The following ME3 variants were observed in gnomAD, a reference collection of about 807,000 sequenced individuals.
ME3 encodes the protein malic enzyme 3.
ME3 carries 48 observed loss-of-function variants against 68.9 expected under a neutral mutation model. That is an observed-to-expected ratio of 0.70 (90% CI 0.55 to 0.89). The LOEUF (loss-of-function observed/expected upper bound fraction) is 0.89. Among genes scored for constraint, ME3 ranks in the 40% least tolerant of loss-of-function variants. The pLI is 0.00. For missense variants in ME3, 675 were observed against 797.4 expected, an observed-to-expected ratio of 0.85 and a Z score of 1.85; for synonymous variants, 320 against 318.8, an observed-to-expected ratio of 1.00 and a Z score of -0.04.
intron 2 of ME3, among the ~76,000 whole-genome samples, chr11:86,637,308 T>G (rs2135359372): frequency 7.3e-6 from 1 of 137,200 alleles, no homozygotes; most frequent in East Asian, 2.1e-4. Flanking sequence ...CCTATTATAG[T>G]ACTGAAGGTA....
rs189459033 is a variant in ME3, at chr11:86,522,617, G to A, written c.468-13750C>T. On this transcript the variant is annotated intron_variant, in intron 4 of 14. Transcript: ENST00000543262. ...CACTGTTCAACTCCCACATGTGAGC[G>A]AGAACATGTGGAGTTTGGTTTTCTG... Among the ~76,000 whole-genome samples the A allele has an allele frequency of 3.1e-3, 471 of 152,108 alleles. 1 individual carries two copies. The highest frequency in any genetic ancestry group is 5.7e-3 in the Admixed American group (87 of 15,282).
At chr11:86,551,277 T>G (rs1293594085) in intron 4 of ME3, among the ~76,000 whole-genome samples, 1 of 152,138 alleles carries the variant, frequency 6.6e-6, no homozygotes, top group Non-Finnish European at 1.5e-5. Flanking sequence ...GTTCCTGTGA[T>G]CCGAGCTTGG....
chr11:86,538,961 G>A (rs976761641), intron 4 of ME3, among the ~76,000 whole-genome samples: 2 of 152,164 alleles, frequency 1.3e-5, no homozygotes, highest in Admixed American at 6.5e-5. Flanking sequence ...TCTTTGACCA[G>A]AATTAGGTCA....
intron 2 of ME3, among the ~76,000 whole-genome samples, chr11:86,599,236 C>T (rs60024218): frequency 0.081 from 12,363 of 152,056 alleles, 704 homozygotes; most frequent in East Asian, 0.17. Flanking sequence ...CTAGAATAAC[C>T]GATACAGAGA....
chr11:86,459,307 C>G (rs1950105927), intron 8 of ME3, among the ~76,000 whole-genome samples: 2 of 152,260 alleles, frequency 1.3e-5, no homozygotes, highest in Admixed American at 1.3e-4. Flanking sequence ...CAGAGTTCCC[C>G]AGTCCTGTGC....
At chr11:86,507,232 AAGAG>A (rs1051151475) in intron 5 of ME3, among the ~76,000 whole-genome samples, 8 of 152,148 alleles carry the variant, frequency 5.3e-5, no homozygotes, top group Admixed American at 1.3e-4. Flanking sequence ...GGCAGGGAAA[AAGAG>A]AGAGAGGCCA....
At chr11:86,604,427 A>G (rs897483440) in intron 2 of ME3, among the ~76,000 whole-genome samples, 3 of 152,226 alleles carry the variant, frequency 2.0e-5, no homozygotes, top group South Asian at 2.1e-4. Context: ...TTTACACTAC[A>G]TAGGGTTGTC....
chr11:86,671,959 C>G lies in ME3; in HGVS notation c.-14-1G>C. ...GCGGCACCCATGGTCCTTGGCAGACCTGGCACGGGAGAGAAAGCAAGGTCA... is the reference window on the plus strand; with the variant it reads ...GCGGCACCCATGGTCCTTGGCAGACGTGGCACGGGAGAGAAAGCAAGGTCA... On this transcript the variant is annotated splice_acceptor_variant, in intron 1 of 14. Coordinates refer to ENST00000543262, the Ensembl canonical transcript of ME3. LOFTEE classifies it low-confidence loss of function (5UTR_SPLICE). 1 of 1,397,332 alleles carries G rather than the reference C, an allele frequency of 7.2e-7. No individual in the cohort carries two copies. Among genetic ancestry groups the G allele is most frequent in the East Asian group, 3.0e-5 (1 of 33,168 alleles). The allele number at this position is 1,397,332 out of a possible 1,614,324, so 86.6% of individuals were successfully genotyped here.
intron 4 of ME3, among the ~76,000 whole-genome samples, chr11:86,542,326 G>A (rs1218879872): frequency 6.6e-6 from 1 of 152,166 alleles, no homozygotes; most frequent in Non-Finnish European, 1.5e-5. Flanking sequence ...GACAGAAGTA[G>A]GCTTCAGAAG....
chr11:86,657,645 C>T (rs909600384), intron 2 of ME3, among the ~76,000 whole-genome samples: 3 of 152,168 alleles, frequency 2.0e-5, no homozygotes, highest in Non-Finnish European at 4.4e-5. Flanking sequence ...TGCAGCCCTG[C>T]AGTTCACAAT....
chr11:86,524,231 T>G (rs1954555921), intron 4 of ME3, among the ~76,000 whole-genome samples: 1 of 152,246 alleles, frequency 6.6e-6, no homozygotes, highest in South Asian at 2.1e-4. Flanking sequence ...GTCTCTGTTC[T>G]AATACAAACA....
intron 2 of ME3, among the ~76,000 whole-genome samples, chr11:86,630,994 G>C (rs1943978555): frequency 6.6e-6 from 1 of 152,214 alleles, no homozygotes. Context: ...ATGGCAGGAA[G>C]GACATAAATG....
chr11:86,662,367 T>A (rs550754647), intron 2 of ME3, among the ~76,000 whole-genome samples: 5 of 152,122 alleles, frequency 3.3e-5, no homozygotes, highest in Non-Finnish European at 7.4e-5. Flanking sequence ...GGTGGGAGGA[T>A]CACTTGAGGC....
intron 2 of ME3, among the ~76,000 whole-genome samples, chr11:86,576,068 CA>C (rs1594515677): frequency 6.6e-6 from 1 of 152,222 alleles, no homozygotes; most frequent in East Asian, 1.9e-4. Flanking sequence ...ATCCCTGCTT[CA>C]AATGCTGATT....
rs750804745 is a variant in ME3, at chr11:86,550,579, CAG to C, written c.467+5972_467+5973del. Among the ~76,000 whole-genome samples, 18 of 152,346 alleles carry C rather than the reference CAG, an allele frequency of 1.2e-4. 1 individual carries two copies. The highest frequency in any genetic ancestry group is 3.4e-3 in the Middle Eastern group (1 of 294). ...AGCAGCACAGCTGAAAGTTTCGCAG[CAG>C]AGTCTGGGTGAAATTGGAATGTCAA... On this transcript the variant is annotated intron_variant, in intron 4 of 14. Transcript: ENST00000543262.
rs190832407 is a variant in ME3 at position 86,603,163 on chromosome 11, C to A, written c.184-43340G>T. Among the ~76,000 whole-genome samples the A allele has an allele frequency of 9.1e-4, 138 of 152,188 alleles. 1 individual carries two copies. Among genetic ancestry groups the A allele is most frequent in the African/African-American group, 3.2e-3 (133 of 41,508 alleles). On this transcript the variant is annotated intron_variant, in intron 2 of 14. Transcript: ENST00000543262. ...AACTACCATCAGAGTGAACAGGCAG[C>A]CTACAAAATGGGAGAAAATTTTCGC...
intron 2 of ME3, among the ~76,000 whole-genome samples, chr11:86,652,657 C>G (rs148141405): frequency 2.6e-5 from 4 of 151,566 alleles, no homozygotes; most frequent in Non-Finnish European, 5.9e-5. Flanking sequence ...AGTGTAAAGA[C>G]CATCCACGCT....
intron 5 of ME3, among the ~76,000 whole-genome samples, chr11:86,500,018 A>G (rs1005653465): frequency 1.1e-4 from 17 of 152,184 alleles, no homozygotes; most frequent in African/African-American, 3.9e-4. Flanking sequence ...TACCACCCCA[A>G]CTGGCTGGGG....
At chr11:86,604,713 T>G (rs1205304137) in intron 2 of ME3, among the ~76,000 whole-genome samples, 1 of 151,762 alleles carries the variant, frequency 6.6e-6, no homozygotes, top group African/African-American at 2.4e-5. Flanking sequence ...AACTGAGGTA[T>G]AGAAAGTGTG....
Sources: allele counts gnomAD v4.1 joint callset (sites outside exome capture counted in the v4.1 genomes callset), GRCh38; gene constraint gnomAD v4.1.1; transcripts MANE v1.5; gene names NCBI Gene and HGNC (gene_info 2026-07-23, HGNC 2026-07-21).